CHD8: variants seen among roughly 807,000 people sequenced by gnomAD.
CHD8 encodes ATP-dependent chromatin remodeler CHD8.
Under a neutral mutation model 279.2 loss-of-function variants are expected in CHD8, and 31 were observed. The observed-to-expected ratio is 0.11, with a 90% CI of 0.08 to 0.15. The LOEUF is 0.15. Ranked by LOEUF, CHD8 falls within the 10% of genes least tolerant of loss-of-function variation. The pLI, the probability that CHD8 is intolerant of heterozygous loss-of-function variation, is 1.00. For missense variants in CHD8, 2,146 were observed against 3,230.5 expected, an observed-to-expected ratio of 0.66 and a Z score of 8.14; for synonymous variants, 1,081 against 1,139.6, an observed-to-expected ratio of 0.95 and a Z score of 1.04.
Position 21,431,623 on chromosome 14 carries a change from A to C in CHD8, c.21T>G (p.Asp7Glu), listed in dbSNP as rs769940681. ...CAAATAAATTTGGGTCATCGAACAG[A>C]TCCATGATGGGGTCTGCCATCTTGG... Reference protein sequence around the residue: MADPIMDLFDDPNLFGL... With the variant: MADPIMELFDDPNLFGL... Residue 7 changes from aspartate (D) to glutamate (E), a missense_variant, in exon 2 of 38, where the codon GAT (aspartate) becomes GAG (glutamate). Coordinates refer to ENST00000646647, the MANE Select transcript of CHD8 (RefSeq NM_001170629.2). 1.3e-5 allele frequency: 20 copies of C among 1,539,428 alleles called. No homozygotes were observed. The highest frequency in any genetic ancestry group is 1.7e-5 in the Non-Finnish European group (20 of 1,147,308).
At position 21,391,023 on chromosome 14, in the gene CHD8, T is replaced by A; in HGVS notation, c.7106A>T (p.Lys2369Ile). Residue 2369 changes from lysine (K) to isoleucine (I), a missense_variant, in exon 37 of 38, where the codon AAA (lysine) becomes ATA (isoleucine). By Grantham distance (102) the Lys-to-Ile change is moderately radical (BLOSUM62 -3). Around this residue, in one of 26 missense-constraint regions of CHD8, gnomAD observed 336 missense variants for 392.9 expected, o/e 0.86. Coordinates refer to ENST00000646647, the MANE Select transcript of CHD8 (RefSeq NM_001170629.2). ...DRRKQKWQRCKKNNKAELNCL... is the reference protein window; with the variant it reads ...DRRKQKWQRCIKNNKAELNCL... The stretch of plus-strand genomic sequence containing the variant: ...GTTCAATTCTGCCTTATTATTTTTT[T>A]TACATCTTTGCCACTTCTGTTTTCT... 1 of 1,601,270 alleles carries A rather than the reference T, an allele frequency of 6.2e-7. No homozygotes were observed.
intron 37 of CHD8, among the ~76,000 whole-genome samples, chr14:21,390,189 T>C (rs141947595): frequency 0.015 from 2,277 of 152,220 alleles, 65 homozygotes; most frequent in African/African-American, 0.051. Context: ...TGAGCTGAGA[T>C]GGTGCCACTG....
At chr14:21,392,433 C>A in intron 34 of CHD8, 74 bp downstream of exon 34, 1 of 1,377,432 alleles carries the variant, frequency 7.3e-7, no homozygotes, top group South Asian at 1.3e-5. Context: ...GTTTAGTAAC[C>A]TATTAGTAAA....
chr14:21,447,629 C>T (rs1396464781), intron 1 of CHD8, among the ~76,000 whole-genome samples: 1 of 152,134 alleles, frequency 6.6e-6, no homozygotes, highest in Non-Finnish European at 1.5e-5. Context: ...GCCTCAGCCT[C>T]TCAAAGTGCT....
intron 11 of CHD8, 73 bp downstream of exon 11, chr14:21,409,778 A>G: frequency 6.8e-7 from 1 of 1,461,294 alleles, no homozygotes; most frequent in Non-Finnish European, 9.3e-7. Flanking sequence ...CTAAAACAAC[A>G]AAAAATTTCA....
In CHD8 at chr14:21,408,356, T is replaced by G; in HGVS notation, c.2686A>C (p.Arg896=). 6 of 1,613,978 alleles carry G rather than the reference T, an allele frequency of 3.7e-6. No homozygotes were observed. Among genetic ancestry groups the G allele is most frequent in the Non-Finnish European group, 5.1e-6 (6 of 1,179,888 alleles). ...ATTTCATACTGTTGAATCATCTGCC[T>G]GCTGGCCAGACTGCCATGGTACACA... The part of the protein sequence containing the change: ...TIVYHGSLAS[R]QMIQQYEMYC... The change falls in exon 13 of 38, where the codon AGG becomes CGG. Residue 896 remains arginine (R), a synonymous_variant. Transcript: ENST00000646647. The surrounding 1 kb of genome is among the most constrained non-coding windows in gnomAD (Gnocchi z 4.3).
rs545804831 is a variant in CHD8, at chr14:21,426,302, A to C, written c.1602-60T>G. ...AGCAAAGAAAATTTAGGAGTAAAAA[A>C]ACATAATTAATCTAAACCATCACAT... On this transcript the variant is annotated intron_variant, in intron 4 of 37. Coordinates refer to ENST00000646647, the MANE Select transcript of CHD8 (RefSeq NM_001170629.2). 44 of 850,802 alleles carry C rather than the reference A, an allele frequency of 5.2e-5. No individual in the cohort carries two copies. The East Asian group carries it at 1.1e-3, about 22-fold the overall frequency. The allele number at this position is 850,802 out of a possible 1,614,324, so 52.7% of individuals were successfully genotyped here. A position where few individuals can be genotyped will look rare whatever the true frequency, so the allele number is the denominator to read the frequency against.
intron 26 of CHD8, chr14:21,399,100 G>A (rs58334761): frequency 0.012 from 3,844 of 310,282 alleles, 155 homozygotes; most frequent in African/African-American, 0.078. Flanking sequence ...CTTTCAGACT[G>A]TAACATCCAG....
chr14:21,429,003 T>C lies in CHD8; in HGVS notation c.1176A>G (p.Gln392=), dbSNP rs199677942. Residue 392 remains glutamine (Q), a synonymous_variant, in exon 3 of 38, where the codon CAA becomes CAG. Transcript: ENST00000646647. The stretch of plus-strand genomic sequence containing the variant: ...CCACCTTGACTGGTACTGAAAGTCT[T>C]TGTCCTGGGCTTTGTCCTGGTCCCA... ...QIMGPGQSPG[Q]RLSVPVKVVL... 4.3e-6 allele frequency: 7 copies of C among 1,614,002 alleles called. No individual in the cohort carries two copies. Among genetic ancestry groups the C allele is most frequent in the Middle Eastern group, 1.6e-4 (1 of 6,062 alleles).
intron 2 of CHD8, 51 bp from the exon 3 acceptor site, chr14:21,429,386 C>G: frequency 1.9e-6 from 3 of 1,577,476 alleles, no homozygotes; most frequent in Non-Finnish European, 2.6e-6. Context: ...GAATGGTATA[C>G]TCTGAAATAT....
At position 21,395,823 on chromosome 14, in the gene CHD8, A is replaced by T; in HGVS notation, c.5121T>A (p.Asp1707Glu). ...KPLQGPPKDQ[D>E]DEGDPLMMMD... is the part of the protein sequence containing the mutation. ...TCAAATGAGAATTCCTTACCTCATC[A>T]TCTTGGTCCTTTGGGGGACCTTGGA... Residue 1707 changes from aspartate to glutamate, a missense_variant, in exon 28 of 38, where the codon GAT (aspartate) becomes GAA (glutamate). Transcript: ENST00000646647. The T allele has an allele frequency of 6.3e-7, 1 of 1,597,418 alleles. No individual in the cohort carries two copies. Among genetic ancestry groups the T allele is most frequent in the Non-Finnish European group, 8.6e-7 (1 of 1,166,078 alleles).
At chr14:21,422,613 C>A (rs913817057) in intron 5 of CHD8, among the ~76,000 whole-genome samples, 1 of 152,102 alleles carries the variant, frequency 6.6e-6, no homozygotes, top group Non-Finnish European at 1.5e-5. Context: ...ATACCCGGGA[C>A]TGGGTAATTT....
At chr14:21,417,160 A>G (rs1024906870) in intron 5 of CHD8, among the ~76,000 whole-genome samples, 8 of 152,246 alleles carry the variant, frequency 5.3e-5, no homozygotes, top group African/African-American at 1.9e-4. Context: ...AAGTTTGATC[A>G]AAATATTTTT....
chr14:21,454,008 A>G (rs1890318261), intron 1 of CHD8, among the ~76,000 whole-genome samples: 1 of 151,482 alleles, frequency 6.6e-6, no homozygotes, highest in African/African-American at 2.4e-5. Flanking sequence ...AAAAAAAAAA[A>G]TTAGCCAAGC....
At position 21,431,159 on chromosome 14, in the gene CHD8, A is replaced by C. The variant is rs775470437; in HGVS notation, c.485T>G (p.Leu162Arg). 6.3e-7 allele frequency: 1 copy of C among 1,599,198 alleles called. No homozygotes were observed. The highest frequency in any genetic ancestry group is 1.1e-5 in the South Asian group (1 of 91,006). The change falls in exon 2 of 38, where the codon CTT (leucine) becomes CGT (arginine). Residue 162 changes from leucine (L) to arginine (R), a missense_variant. Around this residue, in one of 26 missense-constraint regions of CHD8, gnomAD observed 302 missense variants for 325.5 expected, o/e 0.93. Transcript: ENST00000646647. ...PPQSAPKIVILKAPPSSSVTG... is the reference protein window; with the variant it reads ...PPQSAPKIVIRKAPPSSSVTG... ...GACTGAGGAGCTTGGTGGGGCCTTA[A>C]GGATAACAATCTTAGGGGCTGACTG...
At chr14:21,398,134 G>T (rs1295972502) in intron 26 of CHD8, 182 bp from the exon 27 acceptor site, 2 of 470,414 alleles carry the variant, frequency 4.3e-6, no homozygotes, top group Non-Finnish European at 7.0e-6. Flanking sequence ...TAGCAATTTA[G>T]AATCATGAAG....
Position 21,408,596 on chromosome 14 carries a change from C to G in CHD8, c.2487-41G>C, listed in dbSNP as rs745846213. On this transcript the variant is annotated intron_variant, in intron 12 of 37. Coordinates refer to ENST00000646647, the MANE Select transcript of CHD8 (RefSeq NM_001170629.2). This position sits in a 1 kb window ranked among gnomAD's most constrained non-coding sequence, Gnocchi z 4.3. The stretch of plus-strand genomic sequence containing the variant: ...GGGAAAAAAAAAATGTTAAAAGATA[C>G]TATCTTTAAAAAAAATAGAGTATGT... 6.3e-7 allele frequency: 1 copy of G among 1,577,566 alleles called. No homozygotes were observed. The highest frequency in any genetic ancestry group is 8.6e-7 in the Non-Finnish European group (1 of 1,162,966).
At chr14:21,410,282 G>T (rs913394613) in intron 10 of CHD8, among the ~76,000 whole-genome samples, 22 of 151,700 alleles carry the variant, frequency 1.5e-4, no homozygotes, top group African/African-American at 5.3e-4. Flanking sequence ...AAAAAAAAAA[G>T]ACTAATCTTT....
chr14:21,437,228 C>T (rs928236861), intron 1 of CHD8: 10 of 1,185,860 alleles, frequency 8.4e-6, no homozygotes, highest in Non-Finnish European at 9.6e-6. Context: ...TCGCCCCTCT[C>T]CCTGTCTCTC....
Sources: allele counts gnomAD v4.1 joint callset (sites outside exome capture counted in the v4.1 genomes callset), GRCh38; gene constraint gnomAD v4.1.1; regional missense constraint gnomAD v4.1.1; non-coding constraint Gnocchi (gnomAD v3.1); transcripts MANE v1.5; gene names NCBI Gene and HGNC (gene_info 2026-07-23, HGNC 2026-07-21).